The following MTMR14 variants were observed in gnomAD, a reference collection of about 807,000 sequenced individuals.
MTMR14 encodes phosphatidylinositol-3,5-bisphosphate 3-phosphatase MTMR14.
In MTMR14, 48 loss-of-function variants were observed where a neutral mutation model predicts 86.3. The observed-to-expected ratio is 0.56, with a 90% CI of 0.44 to 0.71. The LOEUF is 0.71. Ranked by LOEUF, MTMR14 falls within the 30% of genes least tolerant of loss-of-function variation. The pLI is 0.00. For synonymous variants in MTMR14, 366 were observed against 326.1 expected, an observed-to-expected ratio of 1.12 and a Z score of -1.32; for missense variants, 780 against 834.6, an observed-to-expected ratio of 0.93 and a Z score of 0.81.
chr3:9,684,458 G>A, intron 10 of MTMR14, 127 bp from the exon 11 acceptor site: 2 of 856,818 alleles, frequency 2.3e-6, no homozygotes, highest in South Asian at 2.7e-5. Flanking sequence ...GCCATGGGGA[G>A]GCCACTGGGG....
intron 17 of MTMR14, among the ~76,000 whole-genome samples, chr3:9,691,017 C>T (rs2076123090): frequency 6.6e-6 from 1 of 152,192 alleles, no homozygotes; most frequent in African/African-American, 2.4e-5. Context: ...GAAAAACATT[C>T]TGAAACTTCT....
At chr3:9,657,370 G>C (rs1220695884) in intron 2 of MTMR14, among the ~76,000 whole-genome samples, 2 of 152,158 alleles carry the variant, frequency 1.3e-5, no homozygotes, top group Non-Finnish European at 2.9e-5. Context: ...AGTACATTGA[G>C]AAACGTAGTG....
At chr3:9,650,362 A>G (rs995532704) in intron 1 of MTMR14, 15 of 456,500 alleles carry the variant, frequency 3.3e-5, no homozygotes, top group Non-Finnish European at 5.3e-5. Context: ...GCTTCCTGTC[A>G]GCTCAGGCCA....
At chr3:9,690,285 A>ACTG in intron 17 of MTMR14, 142 bp downstream of exon 17, 1 of 928,746 alleles carries the variant, frequency 1.1e-6, no homozygotes. Context: ...AGGATGGGTT[A>ACTG]GTGTTTGGTA....
intron 2 of MTMR14, among the ~76,000 whole-genome samples, chr3:9,655,008 G>A (rs1559556408): frequency 6.6e-6 from 1 of 152,158 alleles, no homozygotes; most frequent in Non-Finnish European, 1.5e-5. Flanking sequence ...CATCAGGCCA[G>A]GGAGTGTGAA....
At chr3:9,669,741 T>A (rs1204215324) in intron 5 of MTMR14, among the ~76,000 whole-genome samples, 1 of 152,170 alleles carries the variant, frequency 6.6e-6, no homozygotes, top group East Asian at 1.9e-4. Context: ...AACATCCCAC[T>A]CTTGGGGTTC....
intron 6 of MTMR14, among the ~76,000 whole-genome samples, chr3:9,672,374 G>C (rs770780544): frequency 2.0e-5 from 3 of 152,042 alleles, no homozygotes; most frequent in African/African-American, 4.8e-5. Context: ...TGAGTAGCTG[G>C]GATTACAGGA....
intron 10 of MTMR14, 195 bp downstream of exon 10, chr3:9,683,439 T>A: frequency 3.3e-6 from 2 of 605,132 alleles, no homozygotes; most frequent in Non-Finnish European, 6.0e-6. Context: ...GTCCTCAAAA[T>A]CCTAGAAAAC....
At chr3:9,652,856 C>G (rs373167965) in intron 1 of MTMR14, among the ~76,000 whole-genome samples, 209 of 151,912 alleles carry the variant, frequency 1.4e-3, no homozygotes, top group African/African-American at 4.8e-3. Context: ...CAAATATGCT[C>G]ACTTGAACCC....
chr3:9,664,320 C>A (rs2048126097), intron 3 of MTMR14, among the ~76,000 whole-genome samples: 1 of 150,784 alleles, frequency 6.6e-6, no homozygotes, highest in African/African-American at 2.4e-5. Flanking sequence ...AGCAGAGAGG[C>A]CTGTGTTAGG....
In MTMR14 at chr3:9,659,891, TA is replaced by T. The variant is rs1247574369; in HGVS notation, c.309-2374del. On this transcript the variant is annotated intron_variant, in intron 2 of 18. Transcript: ENST00000296003. ...CAGGGGTGTTTTGTTTGTTTGTTTT[TA>T]ACAGAAGTTTAGCCTGAGAAATCCA... The T allele has an allele frequency of 1.1e-5, 5 of 453,842 alleles. No individual in the cohort carries two copies. The East Asian group carries it at 2.8e-4, about 25-fold the overall frequency. The allele number at this position is 453,842 out of a possible 1,614,324, so 28.1% of individuals were successfully genotyped here.
intron 13 of MTMR14, among the ~76,000 whole-genome samples, chr3:9,686,680 T>G (rs1363992659): frequency 6.6e-6 from 1 of 152,266 alleles, no homozygotes; most frequent in Non-Finnish European, 1.5e-5. Context: ...ATTTTCATAC[T>G]GACCCGACCT....
chr3:9,667,629 A>G (rs2048327391), intron 3 of MTMR14, among the ~76,000 whole-genome samples: 1 of 152,088 alleles, frequency 6.6e-6, no homozygotes, highest in Admixed American at 6.6e-5. Flanking sequence ...CCCCAGCACC[A>G]ATAATGCCCC....
At position 9,662,339 on chromosome 3, in the gene MTMR14, A is replaced by G; in HGVS notation, c.381A>G (p.Gly127=). 1 of 1,613,596 alleles carries G rather than the reference A, an allele frequency of 6.2e-7. No individual in the cohort carries two copies. Residue 127 remains glycine, a synonymous_variant, in exon 3 of 19, where the codon GGA becomes GGG. Transcript: ENST00000296003. The stretch of plus-strand genomic sequence containing the variant: ...GCAGCAAGATGGCCCGGTGCAGAGG[A>G]CGGTTTGTCTGCCCAGTAATCCTGT... The part of the protein sequence containing the change: ...IHRSKMARCR[G]RFVCPVILFK...
chr3:9,678,396 C>T (rs2075652979), intron 9 of MTMR14, among the ~76,000 whole-genome samples: 1 of 152,130 alleles, frequency 6.6e-6, no homozygotes, highest in Non-Finnish European at 1.5e-5. Flanking sequence ...AATGTGTGTT[C>T]AGCCAGAGGA....
intron 2 of MTMR14, among the ~76,000 whole-genome samples, chr3:9,658,444 CA>C (rs749352582): frequency 2.6e-5 from 4 of 152,280 alleles, no homozygotes; most frequent in South Asian, 2.1e-4. Context: ...CCTCAGGGAT[CA>C]AGTTGGAAGC....
chr3:9,662,069 C>T lies in MTMR14; in HGVS notation c.309-198C>T, dbSNP rs148498773. On this transcript the variant is annotated intron_variant, in intron 2 of 18. Transcript: ENST00000296003. ...CGCCACTGCACTCTAGCCTGGGCAA[C>T]AACAGTGAAACTCCGTCTCAAAAAA... Among the ~76,000 whole-genome samples, 311 of 151,672 alleles carry T rather than the reference C, an allele frequency of 2.1e-3. 4 individuals carry two copies. The highest frequency in any genetic ancestry group is 7.3e-3 in the African/African-American group (303 of 41,310).
chr3:9,678,547 A>AG (rs1227026630), intron 9 of MTMR14, among the ~76,000 whole-genome samples: 1 of 152,224 alleles, frequency 6.6e-6, no homozygotes, highest in Non-Finnish European at 1.5e-5. Context: ...CACAGTCTGA[A>AG]GGCTGCCAGC....
intron 18 of MTMR14, chr3:9,700,715 G>C (rs1179204994): frequency 1.3e-5 from 2 of 152,224 alleles, no homozygotes; most frequent in Non-Finnish European, 2.9e-5. Flanking sequence ...TTTCCAGTGG[G>C]GAACCCTGGC....
Sources: allele counts gnomAD v4.1 joint callset (sites outside exome capture counted in the v4.1 genomes callset), GRCh38; gene constraint gnomAD v4.1.1; transcripts MANE v1.5; gene names NCBI Gene and HGNC (gene_info 2026-07-23, HGNC 2026-07-21).